NECTIN1: variants seen among roughly 807,000 people sequenced by gnomAD.
NECTIN1 encodes the protein nectin-1.
NECTIN1 carries 23 observed loss-of-function variants against 48.0 expected under a neutral mutation model. That is an observed-to-expected ratio of 0.48 (90% confidence interval 0.34 to 0.68). The LOEUF is 0.68. Ranked by LOEUF, NECTIN1 falls within the 30% of genes least tolerant of loss-of-function variation. The pLI, the probability that NECTIN1 is intolerant of heterozygous loss-of-function variation, is 0.01. For missense variants in NECTIN1, 591 were observed against 709.9 expected, an observed-to-expected ratio of 0.83 and a Z score of 1.90; for synonymous variants, 270 against 288.9, an observed-to-expected ratio of 0.93 and a Z score of 0.66.
At chr11:119,643,703 T>A (rs1864356969) in intron 5 of NECTIN1, among the ~76,000 whole-genome samples, 1 of 152,188 alleles carries the variant, frequency 6.6e-6, no homozygotes, top group Non-Finnish European at 1.5e-5. Flanking sequence ...CCCCAGACAC[T>A]CTCTGGTTAC....
chr11:119,694,477 G>C (rs1865310550), intron 1 of NECTIN1, among the ~76,000 whole-genome samples: 1 of 152,248 alleles, frequency 6.6e-6, no homozygotes, highest in African/African-American at 2.4e-5. Flanking sequence ...TGGCGAGAAG[G>C]AGCAGTTGGT....
chr11:119,678,873 T>A lies in NECTIN1; in HGVS notation c.80-108A>T. 1.3e-6 allele frequency: 1 copy of A among 753,492 alleles called. No individual in the cohort carries two copies. Among genetic ancestry groups the A allele is most frequent in the South Asian group, 1.5e-5 (1 of 65,938 alleles). The allele number at this position is 753,492 out of a possible 1,614,324, so 46.7% of individuals were successfully genotyped here. A position where few individuals can be genotyped will look rare whatever the true frequency, so the allele number is the denominator to read the frequency against. ...CTTTTATAGCAGTCATTATTGTTTTTATTCCGATTGTAAAAATATTAATTA... is the reference window on the plus strand; with the variant it reads ...CTTTTATAGCAGTCATTATTGTTTTAATTCCGATTGTAAAAATATTAATTA... On this transcript the variant is annotated intron_variant, in intron 1 of 5. Coordinates refer to ENST00000264025, the MANE Select transcript of NECTIN1 (RefSeq NM_002855.5). The surrounding 1 kb of genome is among the most constrained non-coding windows in gnomAD (Gnocchi z 4.4).
chr11:119,678,885 A>G lies in NECTIN1; in HGVS notation c.80-120T>C. 1.4e-6 allele frequency: 1 copy of G among 723,592 alleles called. No homozygotes were observed. Among genetic ancestry groups the G allele is most frequent in the Non-Finnish European group, 2.4e-6 (1 of 410,106 alleles). The allele number at this position is 723,592 out of a possible 1,614,324, so 44.8% of individuals were successfully genotyped here. A position where few individuals can be genotyped will look rare whatever the true frequency, so the allele number is the denominator to read the frequency against. On this transcript the variant is annotated intron_variant, in intron 1 of 5. Coordinates refer to ENST00000264025, the MANE Select transcript of NECTIN1 (RefSeq NM_002855.5). This position sits in a 1 kb window ranked among gnomAD's most constrained non-coding sequence, Gnocchi z 4.4. Reference sequence around the variant, plus strand: ...TCATTATTGTTTTTATTCCGATTGTAAAAATATTAATTACTTGTTATAAAA... The same window carrying G: ...TCATTATTGTTTTTATTCCGATTGTGAAAATATTAATTACTTGTTATAAAA...
chr11:119,704,824 C>T (rs997263539), intron 1 of NECTIN1, among the ~76,000 whole-genome samples: 21 of 152,320 alleles, frequency 1.4e-4, no homozygotes, highest in African/African-American at 4.3e-4. Flanking sequence ...TGACTGCGCA[C>T]GCCAGGGAGG....
At chr11:119,648,264 AGTGGTG>A (rs1351679476) in intron 5 of NECTIN1, among the ~76,000 whole-genome samples, 3 of 29,718 alleles carry the variant, frequency 1.0e-4, no homozygotes, top group African/African-American at 5.5e-4. Context: ...AGGTGGTAAT[AGTGGTG>A]GTGGTGATGG....
intron 1 of NECTIN1, chr11:119,713,625 CAACCGCTACTCT>C (rs1482065466): frequency 6.5e-6 from 2 of 307,280 alleles, no homozygotes; most frequent in Non-Finnish European, 1.3e-5. Context: ...TACTGAACAC[CAACCGCTACTCT>C]CAGCCTTGGG....
intron 4 of NECTIN1, 42 bp from the exon 5 acceptor site, chr11:119,675,352 A>G: frequency 6.2e-7 from 1 of 1,613,334 alleles, no homozygotes; most frequent in Non-Finnish European, 8.5e-7. Flanking sequence ...ATGACTCTCC[A>G]GCCTCAAGAA....
intron 5 of NECTIN1, among the ~76,000 whole-genome samples, chr11:119,667,217 G>A (rs1053351146): frequency 2.0e-5 from 3 of 152,188 alleles, no homozygotes; most frequent in Non-Finnish European, 4.4e-5. Context: ...GATGGGAGCA[G>A]CCTCCACCAG....
chr11:119,723,216 C>CA (rs34528775), intron 1 of NECTIN1, among the ~76,000 whole-genome samples: 30,275 of 58,094 alleles, frequency 0.52, 7,077 homozygotes, highest in African/African-American at 0.61. Context: ...GACTCTGTCT[C>CA]AAAAAAAAAA....
chr11:119,638,604 T>A (rs923540058), intron 7 of NECTIN1: 1 of 891,390 alleles, frequency 1.1e-6, no homozygotes, highest in African/African-American at 1.7e-5. Context: ...GGACCTGGCC[T>A]TGTGGGAACT....
chr11:119,701,120 C>T (rs1207943526), intron 1 of NECTIN1, among the ~76,000 whole-genome samples: 2 of 152,126 alleles, frequency 1.3e-5, no homozygotes, highest in East Asian at 1.9e-4. Flanking sequence ...GCCAGCCATT[C>T]GCTGTGTGGC....
At chr11:119,659,742 G>A (rs1351167542), downstream of NECTIN1, among the ~76,000 whole-genome samples, 4 of 152,162 alleles carry the variant, frequency 2.6e-5, no homozygotes, top group Admixed American at 6.5e-5. Flanking sequence ...CCCTCCTTCC[G>A]CTGCTGGAGA....
At chr11:119,711,103 AGGCT>A (rs34445243) in intron 1 of NECTIN1, among the ~76,000 whole-genome samples, 145,032 of 150,524 alleles carry the variant, frequency 0.96, 69,901 homozygotes, top group South Asian at 0.98. Flanking sequence ...GGGGCACGGG[AGGCT>A]GGCTGGGCAC....
downstream of NECTIN1, among the ~76,000 whole-genome samples, chr11:119,656,073 T>C (rs768047762): frequency 1.3e-4 from 20 of 152,136 alleles, no homozygotes; most frequent in Non-Finnish European, 2.6e-4. Flanking sequence ...TTTTTCATTC[T>C]TTGTAGAGAT....
Position 119,662,993 on chromosome 11 carries a change from G to A in NECTIN1, c.*1754C>T. 1 of 984,274 alleles carries A rather than the reference G, an allele frequency of 1.0e-6. No individual in the cohort carries two copies. The highest frequency in any genetic ancestry group is 1.2e-6 in the Non-Finnish European group (1 of 829,478). 61.0% of individuals were successfully genotyped at this position (984,274 alleles called of 1,614,324 possible). On this transcript the variant is annotated 3_prime_UTR_variant, in exon 6 of 6. Coordinates refer to ENST00000264025, the MANE Select transcript of NECTIN1 (RefSeq NM_002855.5). This position sits in a 1 kb window ranked among gnomAD's most constrained non-coding sequence, Gnocchi z 5.3. The stretch of plus-strand genomic sequence containing the variant: ...GGTTGCCAGGGCAGAAATGGAGCTG[G>A]CAGGGGGTTCAATAGCAGCACCAGG...
chr11:119,646,441 C>T (rs1864396873), intron 5 of NECTIN1, among the ~76,000 whole-genome samples: 1 of 152,218 alleles, frequency 6.6e-6, no homozygotes, highest in Non-Finnish European at 1.5e-5. Context: ...ATGATGTTGG[C>T]CCATCCCCCC....
At position 119,677,949 on chromosome 11, in the gene NECTIN1, C is replaced by T; in HGVS notation, c.431-92G>A. 1.5e-6 allele frequency: 2 copies of T among 1,314,508 alleles called. No individual in the cohort carries two copies. Among genetic ancestry groups the T allele is most frequent in the Non-Finnish European group, 2.2e-6 (2 of 928,820 alleles). The allele number at this position is 1,314,508 out of a possible 1,614,324, so 81.4% of individuals were successfully genotyped here. A position where few individuals can be genotyped will look rare whatever the true frequency, so the allele number is the denominator to read the frequency against. On this transcript the variant is annotated intron_variant, in intron 2 of 5. Coordinates refer to ENST00000264025, the MANE Select transcript of NECTIN1 (RefSeq NM_002855.5). This position sits in a 1 kb window ranked among gnomAD's most constrained non-coding sequence, Gnocchi z 5.4. ...GGGCGTGGCATCCGTCAGGCCTTGT[C>T]TTCAGGTCCCCTTGGCCATCCCTGC...
At chr11:119,726,112 C>T (rs1470124400) in intron 1 of NECTIN1, among the ~76,000 whole-genome samples, 1 of 152,194 alleles carries the variant, frequency 6.6e-6, no homozygotes, top group Non-Finnish European at 1.5e-5. Context: ...ATCACACACA[C>T]TCCAGGCCCC....
At chr11:119,703,984 G>A (rs1157809799) in intron 1 of NECTIN1, among the ~76,000 whole-genome samples, 1 of 152,084 alleles carries the variant, frequency 6.6e-6, no homozygotes, top group Non-Finnish European at 1.5e-5. Context: ...CTCGGAGTAC[G>A]TGTTAGTGTG....
Sources: allele counts gnomAD v4.1 joint callset (sites outside exome capture counted in the v4.1 genomes callset), GRCh38; gene constraint gnomAD v4.1.1; non-coding constraint Gnocchi (gnomAD v3.1); transcripts MANE v1.5; gene names NCBI Gene and HGNC (gene_info 2026-07-23, HGNC 2026-07-21).